COL23A1: variants seen among roughly 807,000 people sequenced by gnomAD.
COL23A1 encodes collagen type XXIII alpha 1 chain.
In COL23A1, 97 loss-of-function variants were observed where a neutral mutation model predicts 99.3. That is an observed-to-expected ratio of 0.98 (90% CI 0.83 to 1.16). The LOEUF (loss-of-function observed/expected upper bound fraction) is 1.16, where lower values mean the gene tolerates loss of function less well. Ranked by LOEUF, COL23A1 falls within the 50% of genes most tolerant of loss-of-function variation. The probability of loss-of-function intolerance (pLI) is 0.00; values close to 1 mark genes in which losing one functional copy is unlikely to be tolerated. For synonymous variants in COL23A1, 320 were observed against 308.2 expected (o/e 1.04, Z -0.40); for missense variants, 762 against 757.4 (o/e 1.01, Z -0.07).
chr5:178,569,040 C>A (rs1581655920), intron 1 of COL23A1, among the ~76,000 whole-genome samples: 1 of 152,172 alleles, frequency 6.6e-6, no homozygotes, highest in Non-Finnish European at 1.5e-5. Flanking sequence ...TACACTGCCA[C>A]CAGCAACGTA....
chr5:178,583,331 A>T (rs192772731), intron 1 of COL23A1, among the ~76,000 whole-genome samples: 1 of 152,324 alleles, frequency 6.6e-6, no homozygotes, highest in East Asian at 1.9e-4. Flanking sequence ...CTTAGAGCCC[A>T]AGCTTCTCAC....
At chr5:178,476,063 C>T (rs575168061) in intron 2 of COL23A1, among the ~76,000 whole-genome samples, 13 of 152,316 alleles carry the variant, frequency 8.5e-5, no homozygotes, top group African/African-American at 3.1e-4. Context: ...AACAGTGACT[C>T]CATCTTGGAC....
intron 5 of COL23A1, among the ~76,000 whole-genome samples, chr5:178,271,283 CACT>C (rs1756272035): frequency 1.3e-5 from 2 of 152,200 alleles, no homozygotes; most frequent in African/African-American, 4.8e-5. Flanking sequence ...TCCTCCCCAC[CACT>C]GTCCCCTCAC....
At position 178,357,717 on chromosome 5, in the gene COL23A1, T is replaced by C. The variant is rs565619426; in HGVS notation, c.362-50798A>G. The stretch of plus-strand genomic sequence containing the variant: ...TGTCAGGTCAGATTTAAAATGTGTG[T>C]ATGTGTGTGTGTGTGTGTGTATGTA... On this transcript the variant is annotated intron_variant, in intron 2 of 28. Coordinates refer to ENST00000390654, the MANE Select transcript of COL23A1 (RefSeq NM_173465.4). Among the ~76,000 whole-genome samples the C allele has an allele frequency of 1.7e-3, 171 of 100,940 alleles. 1 individual carries two copies. The highest frequency in any genetic ancestry group is 5.3e-3 in the African/African-American group (161 of 30,170). The allele number at this position is 100,940 out of a possible 152,430, so 66.2% of individuals were successfully genotyped here. A position where few individuals can be genotyped will look rare whatever the true frequency, so the allele number is the denominator to read the frequency against.
intron 2 of COL23A1, among the ~76,000 whole-genome samples, chr5:178,334,631 T>C (rs1210040067): frequency 1.3e-5 from 2 of 152,176 alleles, no homozygotes; most frequent in African/African-American, 2.4e-5. Flanking sequence ...ATGGGAAATC[T>C]CAAGGGAGAG....
intron 2 of COL23A1, among the ~76,000 whole-genome samples, chr5:178,481,131 C>CAAAAAAAAAAAAAAAAAAAAAA (rs10625763): frequency 9.8e-6 from 1 of 102,284 alleles, no homozygotes; most frequent in African/African-American, 3.6e-5. Context: ...GACTGTCTCT[C>CAAAAAAAAAAAAAAAAAAAAAA]AAAAAAAAAA....
At chr5:178,393,298 G>A (rs12658363) in intron 2 of COL23A1, among the ~76,000 whole-genome samples, 17,038 of 152,138 alleles carry the variant, frequency 0.11, 1,681 homozygotes, top group East Asian at 0.4. Context: ...AGTCACGGAA[G>A]GACAAATGCT....
chr5:178,257,785 T>C (rs1341346909), intron 12 of COL23A1, among the ~76,000 whole-genome samples: 1 of 152,238 alleles, frequency 6.6e-6, no homozygotes. Context: ...GGGCTGGCAT[T>C]TGCAGAAAGA....
At chr5:178,360,157 A>T (rs986487177) in intron 2 of COL23A1, among the ~76,000 whole-genome samples, 1 of 152,152 alleles carries the variant, frequency 6.6e-6, no homozygotes, top group Non-Finnish European at 1.5e-5. Flanking sequence ...TCTCCTGCCC[A>T]GAAGTGGCCC....
chr5:178,258,262 T>TATATACACATAC, intron 12 of COL23A1, among the ~76,000 whole-genome samples: 1 of 104,066 alleles, frequency 9.6e-6, no homozygotes, highest in East Asian at 2.5e-4. Flanking sequence ...TATATATATA[T>TATATACACATAC]ACACATGCAA....
chr5:178,369,174 G>A (rs907349422), intron 2 of COL23A1, among the ~76,000 whole-genome samples: 1 of 152,216 alleles, frequency 6.6e-6, no homozygotes, highest in Non-Finnish European at 1.5e-5. Context: ...CAGGCCTCAG[G>A]GAGGCTGGCT....
intron 2 of COL23A1, among the ~76,000 whole-genome samples, chr5:178,324,994 C>T (rs1210847002): frequency 2.0e-5 from 3 of 151,910 alleles, no homozygotes; most frequent in African/African-American, 7.2e-5. Context: ...AACCATGAAC[C>T]TCACAAACAC....
intron 1 of COL23A1, among the ~76,000 whole-genome samples, chr5:178,574,650 G>C (rs971659211): frequency 3.3e-5 from 5 of 152,222 alleles, no homozygotes; most frequent in Non-Finnish European, 7.3e-5. Flanking sequence ...CACTGTGAGA[G>C]AGAAGCTTAC....
Position 178,309,940 on chromosome 5 carries a change from C to A in COL23A1, c.362-3021G>T, listed in dbSNP as rs12518144. ...TGATGTGTGTTCAGGGGAGGAAGGG[C>A]GGGGGGGAGAGGGAGGGAGGGAGAA... On this transcript the variant is annotated intron_variant, in intron 2 of 28. Coordinates refer to ENST00000390654, the MANE Select transcript of COL23A1 (RefSeq NM_173465.4). The surrounding 1 kb of genome is among the most constrained non-coding windows in gnomAD (Gnocchi z 4.7). 4.7e-5 allele frequency among the ~76,000 whole-genome samples: 1 copy of A among 21,224 alleles called. No individual in the cohort carries two copies. The highest frequency in any genetic ancestry group is 1.4e-3 in the South Asian group (1 of 736). 13.9% of individuals were successfully genotyped at this position (21,224 alleles called of 152,430 possible). A position where few individuals can be genotyped will look rare whatever the true frequency, so the allele number is the denominator to read the frequency against.
At chr5:178,319,441 T>A (rs1043743195) in intron 2 of COL23A1, among the ~76,000 whole-genome samples, 1 of 152,176 alleles carries the variant, frequency 6.6e-6, no homozygotes, top group African/African-American at 2.4e-5. Context: ...TGAGCTTTGA[T>A]TTTCATGAGA....
At chr5:178,256,741 C>A in intron 14 of COL23A1, 125 bp downstream of exon 14, 1 of 933,696 alleles carries the variant, frequency 1.1e-6, no homozygotes, top group South Asian at 1.7e-5. Flanking sequence ...TGAGGGAGAC[C>A]CCTGGGTCAG....
At position 178,306,236 on chromosome 5, in the gene COL23A1, A is replaced by T. The variant is rs1410517150; in HGVS notation, c.406+639T>A. On this transcript the variant is annotated intron_variant, in intron 3 of 28. Transcript: ENST00000390654. The surrounding 1 kb of genome is among the most constrained non-coding windows in gnomAD (Gnocchi z 4.1). ...GAGTGGCCAAGGGTGGGGGTCAAGA[A>T]AGAGAAAGACAGCAAAGCATCCAGT... Among the ~76,000 whole-genome samples, 3 of 152,098 alleles carry T rather than the reference A, an allele frequency of 2.0e-5. No individual in the cohort carries two copies. The highest frequency in any genetic ancestry group is 4.4e-5 in the Non-Finnish European group (3 of 68,000).
chr5:178,519,462 G>A (rs372135951), intron 2 of COL23A1, among the ~76,000 whole-genome samples: 14 of 152,366 alleles, frequency 9.2e-5, no homozygotes, highest in East Asian at 7.7e-4. Flanking sequence ...ACAAGTGGCC[G>A]CGCCCTGCAC....
In COL23A1 at chr5:178,307,534, G is replaced by A. The variant is rs778126640; in HGVS notation, c.362-615C>T. Among the ~76,000 whole-genome samples the A allele has an allele frequency of 1.1e-4, 17 of 152,140 alleles. No homozygotes were observed. The highest frequency in any genetic ancestry group is 2.4e-4 in the Non-Finnish European group (16 of 68,020). The stretch of plus-strand genomic sequence containing the variant: ...TCCTGTCCACGTCTGTCCTCCATCC[G>A]CGCGCTATAAGCCCTTCTGAATTTA... On this transcript the variant is annotated intron_variant, in intron 2 of 28. Transcript: ENST00000390654. The surrounding 1 kb of genome is among the most constrained non-coding windows in gnomAD (Gnocchi z 4.2).
Sources: allele counts gnomAD v4.1 joint callset (sites outside exome capture counted in the v4.1 genomes callset), GRCh38; gene constraint gnomAD v4.1.1; non-coding constraint Gnocchi (gnomAD v3.1); transcripts MANE v1.5; gene names NCBI Gene and HGNC (gene_info 2026-07-23, HGNC 2026-07-21).